NRG1: variants seen among roughly 807,000 people sequenced by gnomAD.
NRG1 encodes the protein pro-neuregulin-1, membrane-bound isoform.
Under a neutral mutation model 63.8 loss-of-function variants are expected in NRG1, and 18 were observed. That is an observed-to-expected ratio of 0.28 (90% CI 0.19 to 0.42). NRG1 has a LOEUF of 0.42. Among genes scored for constraint, NRG1 ranks in the 10% least tolerant of loss-of-function variants. The pLI is 1.00. For synonymous variants in NRG1, 302 were observed against 301.3 expected (o/e 1.00, Z -0.02); for missense variants, 762 against 814.7 (o/e 0.94, Z 0.79).
At chr8:32,367,215 C>A (rs1563367812) in intron 1 of NRG1, among the ~76,000 whole-genome samples, 1 of 152,120 alleles carries the variant, frequency 6.6e-6, no homozygotes, top group African/African-American at 2.4e-5. Context: ...AACCTCCGAA[C>A]TATTTTCTAC....
chr8:31,811,791 G>A (rs1488100697), intron 1 of NRG1, among the ~76,000 whole-genome samples: 2 of 152,164 alleles, frequency 1.3e-5, no homozygotes, highest in South Asian at 4.1e-4. Flanking sequence ...TTTAACGAAA[G>A]AGAGGTATGA....
intron 1 of NRG1, among the ~76,000 whole-genome samples, chr8:32,001,238 G>T (rs986890082): frequency 3.9e-5 from 6 of 151,976 alleles, no homozygotes; most frequent in Non-Finnish European, 8.8e-5. Flanking sequence ...TCATGGGAGG[G>T]ACCCAGTGGG....
At chr8:32,431,325 G>C in intron 1 of NRG1, among the ~76,000 whole-genome samples, 1 of 152,272 alleles carries the variant, frequency 6.6e-6, no homozygotes, top group African/African-American at 2.4e-5. Context: ...AGGTATCAGA[G>C]CCCTGGCATA....
At chr8:31,737,842 G>T (rs148257682) in intron 1 of NRG1, among the ~76,000 whole-genome samples, 1 of 152,002 alleles carries the variant, frequency 6.6e-6, no homozygotes, top group Non-Finnish European at 1.5e-5. Context: ...AACATTGCTC[G>T]CTGGCCTTTC....
intron 1 of NRG1, among the ~76,000 whole-genome samples, chr8:32,532,629 TCATTA>T (rs1403764000): frequency 3.9e-4 from 59 of 152,110 alleles, no homozygotes; most frequent in Admixed American, 3.9e-3. Context: ...AATGATACTT[TCATTA>T]CAATTTTTTC....
At chr8:32,478,962 G>A (rs1240160510) in intron 1 of NRG1, among the ~76,000 whole-genome samples, 1 of 152,144 alleles carries the variant, frequency 6.6e-6, no homozygotes, top group Non-Finnish European at 1.5e-5. Flanking sequence ...CCTGAAAACT[G>A]TTGCATTGAG....
chr8:32,103,864 C>T (rs571501823), intron 1 of NRG1, among the ~76,000 whole-genome samples: 3 of 152,096 alleles, frequency 2.0e-5, no homozygotes, highest in Non-Finnish European at 4.4e-5. Flanking sequence ...CAGGGCATCT[C>T]CCACCCTGAC....
chr8:31,697,946 A>T (rs1194401575), intron 1 of NRG1, among the ~76,000 whole-genome samples: 2 of 147,486 alleles, frequency 1.4e-5, no homozygotes, highest in Non-Finnish European at 1.5e-5. Flanking sequence ...GCTGGAGTAC[A>T]GTGGCACTTA....
chr8:32,359,267 T>A (rs112936286), intron 1 of NRG1, among the ~76,000 whole-genome samples: 223 of 152,342 alleles, frequency 1.5e-3, no homozygotes, highest in Non-Finnish European at 2.3e-3. Context: ...CTTTGATTCA[T>A]TCACCCTTTT....
rs540794012 is a variant in NRG1, at chr8:32,295,966, A to G, written c.38-299862A>G. Among the ~76,000 whole-genome samples the G allele has an allele frequency of 2.6e-5, 4 of 151,128 alleles. No individual in the cohort carries two copies. In the South Asian group the frequency reaches 8.4e-4, roughly 32 times the overall value. The stretch of plus-strand genomic sequence containing the variant: ...AAAAAAAAAAAAAAAAGAGAGAGAG[A>G]GAGACTTGATGGTTTTCTCTTGAAA... On this transcript the variant is annotated intron_variant, in intron 1 of 10. Transcript: ENST00000519301.
chr8:32,078,322 T>G (rs546541784), intron 1 of NRG1, among the ~76,000 whole-genome samples: 1 of 152,322 alleles, frequency 6.6e-6, no homozygotes, highest in South Asian at 2.1e-4. Context: ...ACATGTCTAT[T>G]CCTCCTTCAC....
intron 1 of NRG1, among the ~76,000 whole-genome samples, chr8:32,180,604 GTTTTA>G (rs1585890975): frequency 6.6e-6 from 1 of 151,774 alleles, no homozygotes; most frequent in Non-Finnish European, 1.5e-5. Flanking sequence ...TAATATTTTT[GTTTTA>G]TTTTGTTTAA....
At chr8:31,696,439 T>G (rs1170874401) in intron 1 of NRG1, among the ~76,000 whole-genome samples, 1 of 152,166 alleles carries the variant, frequency 6.6e-6, no homozygotes, top group Non-Finnish European at 1.5e-5. Flanking sequence ...AAGAAGATCC[T>G]GGCTTTACTA....
At chr8:32,655,749 A>G (rs1379313315) in intron 5 of NRG1, among the ~76,000 whole-genome samples, 2 of 152,144 alleles carry the variant, frequency 1.3e-5, no homozygotes, top group African/African-American at 4.8e-5. Flanking sequence ...AATGTCCAAA[A>G]ATCACTGCAT....
chr8:31,863,091 C>T (rs1828623419), intron 1 of NRG1, among the ~76,000 whole-genome samples: 1 of 152,160 alleles, frequency 6.6e-6, no homozygotes, highest in Non-Finnish European at 1.5e-5. Context: ...TTCCCATTTC[C>T]TGACTGATTC....
chr8:32,681,879 G>A (rs995490922), intron 5 of NRG1, among the ~76,000 whole-genome samples: 2 of 152,154 alleles, frequency 1.3e-5, no homozygotes, highest in African/African-American at 4.8e-5. Flanking sequence ...TACTTGCCAG[G>A]AAGTAAATGT....
rs572974797 is a variant in NRG1, at chr8:32,069,621, A to G, written c.37+430190A>G. On this transcript the variant is annotated intron_variant, in intron 1 of 10. Coordinates refer to the NRG1 transcript ENST00000519301. ...CTAGTGGGGTGGCCTAAGCCCTGACAGTGGAATGGGACCTTTTTGGAAGAC... is the reference window on the plus strand; with the variant it reads ...CTAGTGGGGTGGCCTAAGCCCTGACGGTGGAATGGGACCTTTTTGGAAGAC... 2.0e-5 allele frequency among the ~76,000 whole-genome samples: 3 copies of G among 152,306 alleles called. No homozygotes were observed. In the South Asian group the frequency reaches 6.2e-4, roughly 32 times the overall value.
chr8:32,748,358 C>CACACAGAGAGAGAG (rs748763782), intron 7 of NRG1, among the ~76,000 whole-genome samples: 3,378 of 121,832 alleles, frequency 0.028, 99 homozygotes, highest in Admixed American at 0.058. Context: ...CACACACACA[C>CACACAGAGAGAGAG]AGAGAGAGAG....
intron 1 of NRG1, among the ~76,000 whole-genome samples, chr8:32,149,761 T>C (rs1323080586): frequency 3.9e-5 from 6 of 152,208 alleles, no homozygotes; most frequent in Non-Finnish European, 7.3e-5. Flanking sequence ...TAAAATAGTT[T>C]TCTTCAGCCA....
Sources: allele counts gnomAD v4.1 joint callset (sites outside exome capture counted in the v4.1 genomes callset), GRCh38; gene constraint gnomAD v4.1.1; transcripts MANE v1.5; gene names NCBI Gene and HGNC (gene_info 2026-07-23, HGNC 2026-07-21).